CBX5: variants seen among roughly 807,000 people sequenced by gnomAD.
The protein encoded by CBX5 is chromobox 5, also known as chromobox protein homolog 5.
CBX5 carries 7 observed loss-of-function variants against 20.7 expected under a neutral mutation model. That is an observed-to-expected ratio of 0.34 (90% CI 0.19 to 0.63). The LOEUF (loss-of-function observed/expected upper bound fraction) is 0.63. Ranked by LOEUF, CBX5 falls within the 30% of genes least tolerant of loss-of-function variation. CBX5 has a pLI of 0.75. For missense variants in CBX5, 110 were observed against 224.1 expected (o/e 0.49, Z 3.25); for synonymous variants, 78 against 77.0 (o/e 1.01, Z -0.07).
intron 3 of CBX5, among the ~76,000 whole-genome samples, chr12:54,248,977 G>A (rs905121433): frequency 5.3e-5 from 8 of 152,138 alleles, no homozygotes; most frequent in Non-Finnish European, 1.2e-4. Context: ...GACATGTGGG[G>A]GTTGTTTTCA....
intron 1 of CBX5, chr12:54,274,232 T>G (rs1038809294): frequency 3.3e-5 from 5 of 152,214 alleles, no homozygotes; most frequent in Non-Finnish European, 5.9e-5. Flanking sequence ...TGGCTTCGAG[T>G]GGCTTACAGA....
intron 4 of CBX5, among the ~76,000 whole-genome samples, chr12:54,243,595 G>A (rs1162485477): frequency 2.7e-5 from 4 of 150,608 alleles, no homozygotes; most frequent in Non-Finnish European, 4.4e-5. Context: ...CAGCCTCAGC[G>A]TGGTGGCTCA....
chr12:54,246,016 A>G, intron 4 of CBX5, 99 bp downstream of exon 4: 1 of 810,042 alleles, frequency 1.2e-6, no homozygotes. Context: ...TTCAAAATTC[A>G]TGGTTTGGGA....
At chr12:54,275,880 C>A (rs370946854) in intron 1 of CBX5, among the ~76,000 whole-genome samples, 29 of 151,208 alleles carry the variant, frequency 1.9e-4, no homozygotes, top group African/African-American at 6.6e-4. Context: ...ATCCCAGCTA[C>A]TCAGGAGGCT....
At chr12:54,254,002 C>T (rs1943837541) in intron 2 of CBX5, among the ~76,000 whole-genome samples, 1 of 152,050 alleles carries the variant, frequency 6.6e-6, no homozygotes, top group Non-Finnish European at 1.5e-5. Context: ...CCGCCTGCTT[C>T]GGCCACTCAA....
At chr12:54,257,105 G>A (rs1317935385) in intron 2 of CBX5, among the ~76,000 whole-genome samples, 1 of 152,026 alleles carries the variant, frequency 6.6e-6, no homozygotes, top group East Asian at 1.9e-4. Context: ...TGATCCACCC[G>A]CCTCAGCCTC....
intron 4 of CBX5, among the ~76,000 whole-genome samples, chr12:54,244,414 G>A (rs1943712268): frequency 6.6e-6 from 1 of 151,896 alleles, no homozygotes; most frequent in African/African-American, 2.4e-5. Context: ...AGGTAGTGAG[G>A]ACCACAACAT....
intron 1 of CBX5, chr12:54,273,523 G>T (rs1411405229): frequency 1.3e-5 from 2 of 152,148 alleles, no homozygotes; most frequent in African/African-American, 4.8e-5. Flanking sequence ...GCTCTCTCAG[G>T]TTGAATTAAA....
At chr12:54,254,358 T>C (rs979982698) in intron 2 of CBX5, among the ~76,000 whole-genome samples, 2 of 147,976 alleles carry the variant, frequency 1.4e-5, no homozygotes, top group Non-Finnish European at 3.0e-5. Flanking sequence ...AAAAAAGGTT[T>C]ATTTAGATGG....
intron 1 of CBX5, among the ~76,000 whole-genome samples, chr12:54,275,990 CAAAAAAAAAAAA>C (rs55963261): frequency 2.2e-5 from 2 of 90,728 alleles, no homozygotes; most frequent in Non-Finnish European, 4.4e-5. Context: ...GACTCCATTC[CAAAAAAAAAAAA>C]AAAAAAAACC....
chr12:54,251,516 CAAAAAAAAAA>C (rs55662273), intron 3 of CBX5, among the ~76,000 whole-genome samples: 2 of 68,098 alleles, frequency 2.9e-5, no homozygotes, highest in East Asian at 4.1e-4. Flanking sequence ...GACTCTGTCT[CAAAAAAAAAA>C]AAAAAAAAAA....
In CBX5 at chr12:54,241,733, A is replaced by G. The variant is rs1326697075; in HGVS notation, c.*22T>C. On this transcript the variant is annotated 3_prime_UTR_variant, in exon 5 of 5. Coordinates refer to ENST00000209875, the MANE Select transcript of CBX5 (RefSeq NM_012117.3). ...GTGAATGTATTATGTACAAAGAGAAATGACAGAGACCATCCCCTCCTTTAG... is the reference window on the plus strand; with the variant it reads ...GTGAATGTATTATGTACAAAGAGAAGTGACAGAGACCATCCCCTCCTTTAG... The G allele has an allele frequency of 6.2e-7, 1 of 1,602,830 alleles. No individual in the cohort carries two copies. The highest frequency in any genetic ancestry group is 1.8e-5 in the Admixed American group (1 of 56,418).
At chr12:54,251,131 CA>C (rs1180499213) in intron 3 of CBX5, among the ~76,000 whole-genome samples, 3 of 140,926 alleles carry the variant, frequency 2.1e-5, no homozygotes, top group Non-Finnish European at 3.1e-5. Flanking sequence ...ATTCTGTCTC[CA>C]AAAAAAAAGA....
At chr12:54,261,218 G>C (rs1039335377) in intron 1 of CBX5, among the ~76,000 whole-genome samples, 5 of 150,486 alleles carry the variant, frequency 3.3e-5, no homozygotes, top group Admixed American at 1.3e-4. Flanking sequence ...ACTCAGTTGA[G>C]AAGAAGCACA....
chr12:54,265,739 TC>T (rs1292156115), intron 1 of CBX5, among the ~76,000 whole-genome samples: 1 of 152,096 alleles, frequency 6.6e-6, no homozygotes, highest in Non-Finnish European at 1.5e-5. Flanking sequence ...TAGTTCATGA[TC>T]CTTTAAAAAT....
chr12:54,266,827 T>C (rs1232932808), intron 1 of CBX5, among the ~76,000 whole-genome samples: 4 of 152,188 alleles, frequency 2.6e-5, no homozygotes, highest in African/African-American at 9.7e-5. Flanking sequence ...CAATTTCTTC[T>C]CTCAACTATC....
intron 1 of CBX5, chr12:54,257,933 C>G: frequency 3.0e-6 from 1 of 328,144 alleles, no homozygotes; most frequent in South Asian, 7.4e-5. Flanking sequence ...AACTGTTTAA[C>G]TCTTCTATTT....
intron 1 of CBX5, among the ~76,000 whole-genome samples, chr12:54,268,533 T>C (rs1275072019): frequency 6.6e-6 from 1 of 152,150 alleles, no homozygotes; most frequent in Non-Finnish European, 1.5e-5. Flanking sequence ...CCAACTACAT[T>C]CCCAATTCAA....
intron 1 of CBX5, among the ~76,000 whole-genome samples, chr12:54,260,365 C>T (rs1370475731): frequency 2.0e-5 from 3 of 151,818 alleles, no homozygotes; most frequent in Admixed American, 6.6e-5. Context: ...TGGTGGCAGG[C>T]GCATATAGTC....
Sources: gnomAD v4.1 joint callset for allele counts (sites outside exome capture counted in the v4.1 genomes callset) on GRCh38, gnomAD v4.1.1 for gene constraint, MANE v1.5 for transcripts, NCBI Gene and HGNC (gene_info 2026-07-23, HGNC 2026-07-21) for gene names.